The following G3BP2 variants were observed in gnomAD, a reference collection of about 807,000 sequenced individuals.
G3BP2 encodes ras GTPase-activating protein-binding protein 2.
A neutral mutation model predicts 56.7 loss-of-function variants in G3BP2; 11 were observed. The ratio of observed to expected loss-of-function variants is 0.19; its 90% CI spans 0.12 to 0.32. The LOEUF (loss-of-function observed/expected upper bound fraction) is 0.32, where lower values mean the gene tolerates loss of function less well. Ranked by LOEUF, G3BP2 falls within the 10% of genes least tolerant of loss-of-function variation. G3BP2 has a pLI of 1.00. For missense variants in G3BP2, 340 were observed against 610.9 expected (o/e 0.56, Z 4.67); for synonymous variants, 165 against 191.6 (o/e 0.86, Z 1.15).
chr4:75,686,692 G>A (rs919473654), intron 3 of G3BP2, among the ~76,000 whole-genome samples: 2 of 152,076 alleles, frequency 1.3e-5, no homozygotes, highest in Non-Finnish European at 2.9e-5. Flanking sequence ...ATCTCACAAA[G>A]GGGGGAAATG....
At chr4:75,675,743 G>A, upstream of G3BP2, among the ~76,000 whole-genome samples, 1 of 152,218 alleles carries the variant, frequency 6.6e-6, no homozygotes, top group Non-Finnish European at 1.5e-5. Context: ...GGTGAGCTGA[G>A]ATCGCGCTAT....
intron 3 of G3BP2, among the ~76,000 whole-genome samples, chr4:75,720,359 G>A (rs1179139407): frequency 2.0e-5 from 3 of 151,674 alleles, no homozygotes; most frequent in African/African-American, 4.8e-5. Flanking sequence ...AAAATTAGCC[G>A]GGCGCGGTGG....
intron 3 of G3BP2, among the ~76,000 whole-genome samples, chr4:75,697,585 C>T (rs980723103): frequency 6.6e-6 from 1 of 151,956 alleles, no homozygotes; most frequent in African/African-American, 2.4e-5. Context: ...ATGCAATATG[C>T]GTATTTCAAT....
intron 3 of G3BP2, among the ~76,000 whole-genome samples, chr4:75,681,768 G>C (rs540790385): frequency 1.3e-4 from 20 of 150,014 alleles, no homozygotes; most frequent in African/African-American, 4.7e-4. Context: ...AGAATGGCTT[G>C]AACCCAGGAG....
At chr4:75,700,354 G>A (rs940189959) in intron 3 of G3BP2, among the ~76,000 whole-genome samples, 6 of 141,554 alleles carry the variant, frequency 4.2e-5, no homozygotes, top group Non-Finnish European at 9.3e-5. Context: ...GCCCAGCCCT[G>A]AATGCTTAAT....
In G3BP2 at chr4:75,645,163, G is replaced by C; in HGVS notation, c.*267C>G. The C allele has an allele frequency of 4.8e-6, 2 of 415,002 alleles. No homozygotes were observed. The highest frequency in any genetic ancestry group is 8.5e-5 in the Admixed American group (2 of 23,664). 25.7% of individuals were successfully genotyped at this position (415,002 alleles called of 1,614,324 possible). On this transcript the variant is annotated 3_prime_UTR_variant, in exon 12 of 12. Transcript: ENST00000359707. Reference sequence around the variant, plus strand: ...GAATTCAGTGGGCATGTCCTTTTAAGTTCACTTTGTCGTAGATAGTTTAAG... The same window carrying C: ...GAATTCAGTGGGCATGTCCTTTTAACTTCACTTTGTCGTAGATAGTTTAAG...
intron 3 of G3BP2, among the ~76,000 whole-genome samples, chr4:75,691,295 G>C (rs1230876843): frequency 6.6e-6 from 1 of 152,150 alleles, no homozygotes; most frequent in East Asian, 1.9e-4. Flanking sequence ...GGCCAGGCTG[G>C]TCTCAAACTC....
At chr4:75,659,709 A>T (rs147818875) in intron 2 of G3BP2, among the ~76,000 whole-genome samples, 279 of 152,308 alleles carry the variant, frequency 1.8e-3, no homozygotes, top group African/African-American at 6.1e-3. Flanking sequence ...ATGAAGTGCT[A>T]TTATCTAAAT....
At chr4:75,665,047 A>G (rs1732892785) in intron 1 of G3BP2, among the ~76,000 whole-genome samples, 1 of 152,188 alleles carries the variant, frequency 6.6e-6, no homozygotes. Flanking sequence ...TAAATAACTA[A>G]AACAATTTCA....
intron 9 of G3BP2, 61 bp downstream of exon 9, chr4:75,648,575 TAAG>T: frequency 1.2e-6 from 1 of 848,622 alleles, no homozygotes; most frequent in South Asian, 1.4e-5. Context: ...GTTTTTTGTT[TAAG>T]TTCAGTCTTT....
At chr4:75,682,263 A>T (rs956594849) in intron 3 of G3BP2, among the ~76,000 whole-genome samples, 10 of 151,962 alleles carry the variant, frequency 6.6e-5, no homozygotes, top group Non-Finnish European at 1.3e-4. Flanking sequence ...AAAAATACAA[A>T]AATTAGCTGG....
At chr4:75,677,149 A>T (rs551235168), upstream of G3BP2, among the ~76,000 whole-genome samples, 1 of 152,168 alleles carries the variant, frequency 6.6e-6, no homozygotes, top group African/African-American at 2.4e-5. Flanking sequence ...TTTGAATAAG[A>T]TAAGACATTT....
rs532635905 is a variant in G3BP2, at chr4:75,667,583, T to C, written c.-24-5534A>G. ...CTCTCTCATGAACAAATCCGTCTTT[T>C]ACTTGTCAAATGAAAACATTATCCA... On this transcript the variant is annotated intron_variant, in intron 1 of 11. Coordinates refer to ENST00000359707, the MANE Select transcript of G3BP2 (RefSeq NM_203505.3). Among the ~76,000 whole-genome samples, 13 of 152,256 alleles carry C rather than the reference T, an allele frequency of 8.5e-5. No homozygotes were observed. The South Asian group carries it at 2.7e-3, about 32-fold the overall frequency.
Position 75,673,319 on chromosome 4 carries a change from G to A in G3BP2, c.-136C>T, listed in dbSNP as rs1244105336. 4.1e-6 allele frequency: 5 copies of A among 1,228,852 alleles called. No individual in the cohort carries two copies. Among genetic ancestry groups the A allele is most frequent in the Admixed American group, 4.2e-5 (1 of 23,614 alleles). The allele number at this position is 1,228,852 out of a possible 1,614,324, so 76.1% of individuals were successfully genotyped here. On this transcript the variant is annotated 5_prime_UTR_variant, in exon 1 of 12. Coordinates refer to ENST00000359707, the MANE Select transcript of G3BP2 (RefSeq NM_203505.3). ...GCCCCCTTCCTCCGACAACTCGGAA[G>A]CCTCGGAAGCCGGAGAGCCGCGAGT...
intron 3 of G3BP2, 90 bp downstream of exon 3, chr4:75,658,748 GAAAGA>G: frequency 1.2e-6 from 1 of 804,594 alleles, no homozygotes; most frequent in Non-Finnish European, 2.1e-6. Context: ...GAGAAAGAAA[GAAAGA>G]AAAAAAAAGC....
intron 1 of G3BP2, among the ~76,000 whole-genome samples, chr4:75,671,383 G>A (rs947631892): frequency 6.6e-6 from 1 of 152,208 alleles, no homozygotes; most frequent in Non-Finnish European, 1.5e-5. Flanking sequence ...AAGGAGGGAA[G>A]TTTTCAGAAT....
rs540119881 is a variant in G3BP2, at chr4:75,686,688, CA to C, written c.-24-24640del. 1.9e-3 allele frequency among the ~76,000 whole-genome samples: 284 copies of C among 152,100 alleles called. 2 individuals carry two copies. The highest frequency in any genetic ancestry group is 0.017 in the Middle Eastern group (5 of 294). On this transcript the variant is annotated intron_variant, in intron 3 of 3. Coordinates refer to the G3BP2 transcript ENST00000499709. The stretch of plus-strand genomic sequence containing the variant: ...TGGCTTACAATAGTGTGGTATCTCA[CA>C]AAGGGGGGAAATGGCATTTAAAGAA...
chr4:75,701,108 G>A (rs1175812819), intron 3 of G3BP2, among the ~76,000 whole-genome samples: 2 of 152,108 alleles, frequency 1.3e-5, no homozygotes, highest in Admixed American at 6.5e-5. Flanking sequence ...CTCCCAAAGT[G>A]CTGGGATTAC....
intron 7 of G3BP2, 125 bp downstream of exon 7, chr4:75,654,941 G>A (rs1731975183): frequency 3.0e-6 from 2 of 671,412 alleles, no homozygotes; most frequent in African/African-American, 3.7e-5. Flanking sequence ...AAACCCCACA[G>A]CTTCTTTCAT....
Sources: gnomAD v4.1 joint callset for allele counts (sites outside exome capture counted in the v4.1 genomes callset) on GRCh38, gnomAD v4.1.1 for gene constraint, MANE v1.5 for transcripts, NCBI Gene and HGNC (gene_info 2026-07-23, HGNC 2026-07-21) for gene names.